GPC3: variants seen among roughly 807,000 people sequenced by gnomAD.
The protein encoded by GPC3 is glypican-3.
GPC3 carries 3 observed loss-of-function variants against 34.4 expected under a neutral mutation model. The observed-to-expected ratio is 0.09, with a 90% CI of 0.04 to 0.23. The LOEUF is 0.23. Among genes scored for constraint, GPC3 ranks in the 10% least tolerant of loss-of-function variants. The probability of loss-of-function intolerance (pLI) is 1.00; values close to 1 mark genes in which losing one functional copy is unlikely to be tolerated. For missense variants in GPC3, 351 were observed against 445.6 expected (o/e 0.79, Z 1.91); for synonymous variants, 177 against 174.0 (o/e 1.02, Z -0.13).
intron 6 of GPC3, among the ~76,000 whole-genome samples, chrX:133,617,135 A>G (rs1448405777): frequency 3.6e-5 from 4 of 112,165 alleles, no homozygotes; most frequent in African/African-American, 1.3e-4. Flanking sequence ...ATTCTATGAC[A>G]AAAGTGAACC....
intron 1 of GPC3, among the ~76,000 whole-genome samples, chrX:133,962,399 C>T (rs1476267367): frequency 8.9e-6 from 1 of 112,053 alleles, no homozygotes; most frequent in African/African-American, 3.2e-5. Flanking sequence ...TGATGTTCTC[C>T]CCTTTCACTT....
At chrX:133,610,717 G>A (rs757447401) in intron 6 of GPC3, among the ~76,000 whole-genome samples, 13 of 102,474 alleles carry the variant, frequency 1.3e-4, no homozygotes, top group Non-Finnish European at 2.2e-4. Flanking sequence ...GGGGATGGCT[G>A]GGAAATGGGG....
At chrX:133,965,895 A>AG (rs969287357) in intron 1 of GPC3, among the ~76,000 whole-genome samples, 4 of 104,058 alleles carry the variant, frequency 3.8e-5, no homozygotes, top group Admixed American at 2.0e-4. Flanking sequence ...TAGAAGGAGT[A>AG]GGGGGGAGAG....
intron 2 of GPC3, among the ~76,000 whole-genome samples, chrX:133,913,222 GGAA>G (rs1399108945): frequency 2.7e-5 from 3 of 111,900 alleles, no homozygotes; most frequent in Non-Finnish European, 5.6e-5. Flanking sequence ...GAGAGGCAGA[GGAA>G]GAAGACTTTC....
rs370651168 is a variant in GPC3 at position 133,629,175 on chromosome X, G to A, written c.1413+32555C>T. 4.2e-3 allele frequency among the ~76,000 whole-genome samples: 465 copies of A among 111,699 alleles called. 3 individuals are homozygous for A. Among genetic ancestry groups the A allele is most frequent in the African/African-American group, 0.014 (444 of 30,769 alleles). ...TAAACCAATTTGACCTGTAGTCATA[G>A]ATATATTGGGCCTCCATGGATCATC... On this transcript the variant is annotated intron_variant, in intron 6 of 7. Transcript: ENST00000370818.
chrX:133,763,400 A>G, intron 2 of GPC3: 8 of 539,384 alleles, frequency 1.5e-5, no homozygotes, highest in East Asian at 3.3e-5. Flanking sequence ...CCTGATCTCT[A>G]CTTCTACAGA....
intron 3 of GPC3, among the ~76,000 whole-genome samples, chrX:133,744,935 T>C (rs760864116): frequency 9.1e-6 from 1 of 109,998 alleles, no homozygotes; most frequent in Admixed American, 9.7e-5. Flanking sequence ...CACCATATGT[T>C]CTCATTCATA....
intron 2 of GPC3, among the ~76,000 whole-genome samples, chrX:133,942,936 C>T (rs964564630): frequency 1.7e-4 from 19 of 111,888 alleles, no homozygotes; most frequent in African/African-American, 6.1e-4. Flanking sequence ...TTCCTCTCTA[C>T]AATTCGTTTA....
intron 2 of GPC3, among the ~76,000 whole-genome samples, chrX:133,946,695 C>T (rs1256227396): frequency 9.0e-6 from 1 of 110,810 alleles, no homozygotes; most frequent in Non-Finnish European, 1.9e-5. Context: ...TGCTGGTAGT[C>T]TAGATGTTAG....
intron 7 of GPC3, among the ~76,000 whole-genome samples, chrX:133,564,759 A>G (rs2069568516): frequency 1.8e-5 from 2 of 112,112 alleles, no homozygotes; most frequent in South Asian, 7.5e-4. Context: ...ATTCCATGAA[A>G]AGGTGAACAG....
intron 4 of GPC3, among the ~76,000 whole-genome samples, chrX:133,697,782 G>A (rs2071130589): frequency 4.5e-5 from 5 of 112,108 alleles, no homozygotes; most frequent in Admixed American, 2.8e-4. Context: ...ATTCACTCAG[G>A]ACATACTTTG....
chrX:133,611,598 C>T (rs2070113373), intron 6 of GPC3, among the ~76,000 whole-genome samples: 1 of 112,084 alleles, frequency 8.9e-6, no homozygotes, highest in Non-Finnish European at 1.9e-5. Context: ...TTCAATTACA[C>T]AGAATTCCAT....
intron 7 of GPC3, among the ~76,000 whole-genome samples, chrX:133,593,158 T>A (rs764852779): frequency 9.3e-6 from 1 of 107,170 alleles, no homozygotes; most frequent in Non-Finnish European, 1.9e-5. Flanking sequence ...CAAAACCCTG[T>A]CTCTACTAAA....
chrX:133,916,467 T>C (rs1054244864), intron 2 of GPC3, among the ~76,000 whole-genome samples: 8 of 111,938 alleles, frequency 7.1e-5, no homozygotes, highest in African/African-American at 2.6e-4. Context: ...ATTATACCAA[T>C]ACATTATTAA....
intron 2 of GPC3, among the ~76,000 whole-genome samples, chrX:133,847,478 T>A (rs890883324): frequency 8.9e-6 from 1 of 112,204 alleles, no homozygotes; most frequent in Non-Finnish European, 1.9e-5. Context: ...ACTGCCTATA[T>A]AACAGTTTTA....
intron 6 of GPC3, among the ~76,000 whole-genome samples, chrX:133,637,932 C>T (rs915684781): frequency 3.6e-5 from 4 of 111,527 alleles, no homozygotes; most frequent in Non-Finnish European, 7.5e-5. Flanking sequence ...TGTGAGCCAC[C>T]GTGCCTGGTC....
intron 1 of GPC3, among the ~76,000 whole-genome samples, chrX:133,960,430 C>T (rs1331643394): frequency 1.8e-5 from 2 of 111,784 alleles, no homozygotes; most frequent in South Asian, 3.8e-4. Context: ...TTACCTTTAT[C>T]ATGTTCTATA....
intron 2 of GPC3, among the ~76,000 whole-genome samples, chrX:133,775,129 T>A (rs2071965483): frequency 9.0e-6 from 1 of 111,339 alleles, no homozygotes; most frequent in Non-Finnish European, 1.9e-5. Context: ...TTTTTGAAAT[T>A]AAAAAAATAA....
At chrX:133,968,603 G>A (rs1410167522) in intron 1 of GPC3, among the ~76,000 whole-genome samples, 1 of 111,528 alleles carries the variant, frequency 9.0e-6, no homozygotes, top group African/African-American at 3.3e-5. Flanking sequence ...TTAGCACAGT[G>A]CCTGGCTCAA....
Sources: allele counts gnomAD v4.1 joint callset (sites outside exome capture counted in the v4.1 genomes callset), GRCh38; gene constraint gnomAD v4.1.1; transcripts MANE v1.5; gene names NCBI Gene and HGNC (gene_info 2026-07-23, HGNC 2026-07-21).